Variants in CD99L2 observed in about 807,000 individuals in gnomAD.
CD99L2 encodes the protein CD99 antigen-like protein 2.
Under a neutral mutation model 27.3 loss-of-function variants are expected in CD99L2, and 24 were observed. That is an observed-to-expected ratio of 0.88 (90% CI 0.64 to 1.24). The LOEUF (loss-of-function observed/expected upper bound fraction) is 1.24, where lower values mean the gene tolerates loss of function less well. CD99L2 is among the 50% of genes most tolerant of loss of function. The pLI, the probability that CD99L2 is intolerant of heterozygous loss-of-function variation, is 0.00. For synonymous variants in CD99L2, 97 were observed against 87.9 expected, an observed-to-expected ratio of 1.10 and a Z score of -0.58; for missense variants, 255 against 221.6, an observed-to-expected ratio of 1.15 and a Z score of -0.96.
chrX:150,803,018 C>T (rs1486519355), intron 4 of CD99L2, among the ~76,000 whole-genome samples: 9 of 104,842 alleles, frequency 8.6e-5, no homozygotes, highest in Non-Finnish European at 1.8e-4. Flanking sequence ...GCCTCAGCCT[C>T]CTGAGTAACT....
At chrX:150,876,486 G>A (rs2047231693) in intron 1 of CD99L2, among the ~76,000 whole-genome samples, 2 of 112,042 alleles carry the variant, frequency 1.8e-5, no homozygotes, top group African/African-American at 6.5e-5. Flanking sequence ...GTAAGACAAA[G>A]CTTTATACAG....
chrX:150,771,862 A>G, intron 9 of CD99L2: 1 of 1,150,134 alleles, frequency 8.7e-7, no homozygotes, highest in Non-Finnish European at 1.2e-6. Flanking sequence ...CTGGAGTAAG[A>G]GCGCTCCTGA....
chrX:150,892,605 C>CAAAA (rs782464097), intron 1 of CD99L2, among the ~76,000 whole-genome samples: 5 of 30,199 alleles, frequency 1.7e-4, no homozygotes, highest in Non-Finnish European at 2.4e-4. Context: ...GACTCTGTCT[C>CAAAA]AAAAAAAAAA....
At position 150,880,078 on chromosome X, in the gene CD99L2, TAGAG is replaced by T. The variant is rs556440220; in HGVS notation, c.67+18440_67+18443del. On this transcript the variant is annotated intron_variant, in intron 1 of 10. Transcript: ENST00000370377. ...AAAATAACAAGTGTTGGCAAGGACA[TAGAG>T]AAACTGGAACCTTCCTACACTGCTG... is the stretch of plus-strand genomic sequence containing the variant. 2.8e-4 allele frequency among the ~76,000 whole-genome samples: 31 copies of T among 111,425 alleles called. No homozygotes were observed. In the South Asian group the frequency reaches 0.011, roughly 39 times the overall value.
At chrX:150,792,100 T>C (rs1256703042) in intron 7 of CD99L2, among the ~76,000 whole-genome samples, 1 of 111,756 alleles carries the variant, frequency 8.9e-6, no homozygotes, top group African/African-American at 3.3e-5. Flanking sequence ...CATGTTTCAG[T>C]TTCACACTTG....
At chrX:150,892,423 G>A (rs782460818) in intron 1 of CD99L2, among the ~76,000 whole-genome samples, 4 of 105,841 alleles carry the variant, frequency 3.8e-5, no homozygotes, top group Admixed American at 1.0e-4. Flanking sequence ...TGGCTAACAC[G>A]GTGAAACCTC....
chrX:150,871,377 A>G (rs1469811909), intron 1 of CD99L2, among the ~76,000 whole-genome samples: 1 of 111,829 alleles, frequency 8.9e-6, no homozygotes, highest in Admixed American at 9.6e-5. Flanking sequence ...AAATACATTC[A>G]TGAAAGCACT....
chrX:150,781,419 C>T (rs2045509236), intron 7 of CD99L2, among the ~76,000 whole-genome samples: 1 of 111,865 alleles, frequency 8.9e-6, no homozygotes, highest in Non-Finnish European at 1.9e-5. Flanking sequence ...TTTAACTCTG[C>T]AAGCCCCATG....
intron 2 of CD99L2, among the ~76,000 whole-genome samples, chrX:150,824,171 G>A (rs868985769): frequency 0.023 from 358 of 15,731 alleles, 44 homozygotes; most frequent in African/African-American, 0.057. Flanking sequence ...GGAGGAGGAG[G>A]AGGAGAAGGA....
chrX:150,807,901 A>T lies in CD99L2; in HGVS notation c.277+6961T>A, dbSNP rs1557420284. Reference sequence around the variant, plus strand: ...GAATGGTTTAGAATCTGTATATTTCACTAGTGGGATTTAAGGGTGTTTAAT... The same window carrying T: ...GAATGGTTTAGAATCTGTATATTTCTCTAGTGGGATTTAAGGGTGTTTAAT... On this transcript the variant is annotated intron_variant, in intron 4 of 10. Transcript: ENST00000370377. Among the ~76,000 whole-genome samples, 3 of 112,562 alleles carry T rather than the reference A, an allele frequency of 2.7e-5. No homozygotes were observed. The East Asian group carries it at 8.3e-4, about 31-fold the overall frequency.
intron 1 of CD99L2, among the ~76,000 whole-genome samples, chrX:150,870,717 G>T (rs1603311299): frequency 9.0e-6 from 1 of 111,284 alleles, no homozygotes; most frequent in East Asian, 2.8e-4. Flanking sequence ...TCCTTTAACA[G>T]GGGCTGGGAC....
chrX:150,850,302 A>C (rs2046769661), intron 1 of CD99L2, among the ~76,000 whole-genome samples: 1 of 111,576 alleles, frequency 9.0e-6, no homozygotes, highest in African/African-American at 3.3e-5. Context: ...GACATGAACC[A>C]AGCCAGGCTT....
At chrX:150,788,760 CA>C (rs1399759677) in intron 7 of CD99L2, among the ~76,000 whole-genome samples, 1 of 111,549 alleles carries the variant, frequency 9.0e-6, no homozygotes, top group African/African-American at 3.3e-5. Context: ...TCAACCGGAG[CA>C]AAAACCAGCA....
intron 4 of CD99L2, among the ~76,000 whole-genome samples, chrX:150,801,440 C>T (rs1259927152): frequency 3.6e-5 from 4 of 111,217 alleles, no homozygotes; most frequent in Non-Finnish European, 5.7e-5. Context: ...CGGGAACTGC[C>T]AAACACTTTA....
At chrX:150,841,789 A>T (rs1324124135) in intron 1 of CD99L2, among the ~76,000 whole-genome samples, 2 of 111,939 alleles carry the variant, frequency 1.8e-5, no homozygotes, top group East Asian at 5.6e-4. Context: ...ATTCAGTTTC[A>T]ATCTAGATCC....
intron 2 of CD99L2, among the ~76,000 whole-genome samples, chrX:150,827,894 T>C (rs1461303497): frequency 8.9e-6 from 1 of 112,030 alleles, no homozygotes; most frequent in Non-Finnish European, 1.9e-5. Context: ...GAAGATTGAC[T>C]GTTCTTTTCA....
intron 1 of CD99L2, among the ~76,000 whole-genome samples, chrX:150,859,432 G>A (rs1285123131): frequency 3.6e-5 from 4 of 110,915 alleles, no homozygotes; most frequent in Non-Finnish European, 7.6e-5. Context: ...CCGAGAGGGG[G>A]AGATTGCAGT....
chrX:150,875,159 A>T (rs1374808144), intron 1 of CD99L2, among the ~76,000 whole-genome samples: 2 of 112,158 alleles, frequency 1.8e-5, no homozygotes, highest in Non-Finnish European at 3.8e-5. Context: ...TTCCTAAAGC[A>T]TTATATTATT....
intron 1 of CD99L2, among the ~76,000 whole-genome samples, chrX:150,869,850 T>TA (rs2047127965): frequency 9.0e-6 from 1 of 111,346 alleles, no homozygotes; most frequent in Non-Finnish European, 1.9e-5. Flanking sequence ...AACATGTTTG[T>TA]ATCTTTGGCC....
Sources: gnomAD v4.1 joint callset for allele counts (sites outside exome capture counted in the v4.1 genomes callset) on GRCh38, gnomAD v4.1.1 for gene constraint, MANE v1.5 for transcripts, NCBI Gene and HGNC (gene_info 2026-07-23, HGNC 2026-07-21) for gene names.